FAM178B: variants seen among roughly 807,000 people sequenced by gnomAD.
FAM178B encodes protein FAM178B.
Under a neutral mutation model 91.7 loss-of-function variants are expected in FAM178B, and 82 were observed. That is an observed-to-expected ratio of 0.89 (90% CI 0.75 to 1.07). The LOEUF (loss-of-function observed/expected upper bound fraction) is 1.07, where lower values mean the gene tolerates loss of function less well. FAM178B is among the 50% of genes least tolerant of loss of function. The probability of loss-of-function intolerance (pLI) is 0.00; values close to 1 mark genes in which losing one functional copy is unlikely to be tolerated. For missense variants in FAM178B, 769 were observed against 846.7 expected, an observed-to-expected ratio of 0.91 and a Z score of 1.14; for synonymous variants, 368 against 359.4, an observed-to-expected ratio of 1.02 and a Z score of -0.27.
At chr2:96,951,514 G>A (rs1206012819) in intron 6 of FAM178B, 30 bp from the exon 7 acceptor site, 4 of 1,515,162 alleles carry the variant, frequency 2.6e-6, no homozygotes, top group South Asian at 1.2e-5. Context: ...GGTTAGGGGA[G>A]GCCTCTGTGC....
At chr2:96,949,359 C>A (rs1182133624) in intron 7 of FAM178B, among the ~76,000 whole-genome samples, 1 of 152,210 alleles carries the variant, frequency 6.6e-6, no homozygotes, top group Non-Finnish European at 1.5e-5. Flanking sequence ...TTGCCTTTGA[C>A]TGGACAAGGG....
At chr2:96,903,993 G>A (rs756977055) in intron 12 of FAM178B, among the ~76,000 whole-genome samples, 1 of 151,808 alleles carries the variant, frequency 6.6e-6, no homozygotes, top group Non-Finnish European at 1.5e-5. Flanking sequence ...GAGCCAACAC[G>A]AGCTGGGGCC....
chr2:96,891,141 T>C lies in FAM178B; in HGVS notation c.1776+2785A>G, dbSNP rs574393377. On this transcript the variant is annotated intron_variant, in intron 14 of 16. Coordinates refer to ENST00000490605, the MANE Select transcript of FAM178B (RefSeq NM_001122646.3). ...CCAGTGCAGGCATCTATGTTGCCCCTGATTCACTCCAGTTCCTGACCCCCA... is the reference window on the plus strand; with the variant it reads ...CCAGTGCAGGCATCTATGTTGCCCCCGATTCACTCCAGTTCCTGACCCCCA... Among the ~76,000 whole-genome samples the C allele has an allele frequency of 7.9e-5, 12 of 152,364 alleles. No individual in the cohort carries two copies. In the East Asian group the frequency reaches 1.9e-3, roughly 24 times the overall value.
rs569005354 is a variant in FAM178B at position 96,950,185 on chromosome 2, T to C, written c.993+1194A>G. ...GCCCCTCTGTGGGTGCCGTCTCAGATGGGTCCTTTGTGCCTCCCAATGCTC... is the reference window on the plus strand; with the variant it reads ...GCCCCTCTGTGGGTGCCGTCTCAGACGGGTCCTTTGTGCCTCCCAATGCTC... On this transcript the variant is annotated intron_variant, in intron 7 of 16. Transcript: ENST00000490605. The C allele has an allele frequency of 3.9e-4, 383 of 985,392 alleles. 2 individuals carry two copies. Among genetic ancestry groups the C allele is most frequent in the Middle Eastern group, 1.6e-3 (3 of 1,914 alleles). The allele number at this position is 985,392 out of a possible 1,614,324, so 61.0% of individuals were successfully genotyped here. A position where few individuals can be genotyped will look rare whatever the true frequency, so the allele number is the denominator to read the frequency against.
chr2:96,909,342 C>T (rs954834555), intron 12 of FAM178B, among the ~76,000 whole-genome samples: 4 of 152,118 alleles, frequency 2.6e-5, no homozygotes, highest in African/African-American at 9.7e-5. Flanking sequence ...CCATATTTTG[C>T]CAAAACCTGC....
At chr2:96,890,293 T>G (rs959868155) in intron 14 of FAM178B, among the ~76,000 whole-genome samples, 4 of 150,856 alleles carry the variant, frequency 2.7e-5, no homozygotes, top group Admixed American at 2.0e-4. Context: ...AATCAATCAA[T>G]CAAGCAATAT....
At chr2:96,969,944 G>A (rs566340052) in intron 4 of FAM178B, among the ~76,000 whole-genome samples, 1 of 152,206 alleles carries the variant, frequency 6.6e-6, no homozygotes, top group Non-Finnish European at 1.5e-5. Flanking sequence ...AGAGCTGGGT[G>A]TTCCAGGGTG....
chr2:96,960,532 CA>C, intron 5 of FAM178B, 92 bp from the exon 6 acceptor site: 2 of 1,394,926 alleles, frequency 1.4e-6, no homozygotes, highest in Non-Finnish European at 9.6e-7. Context: ...AGAGGGGGGC[CA>C]CGGGCTCCCT....
chr2:96,951,045 G>GT (rs2081917929), intron 7 of FAM178B, among the ~76,000 whole-genome samples: 1 of 152,144 alleles, frequency 6.6e-6, no homozygotes, highest in Admixed American at 6.5e-5. Context: ...AGGTTAGACC[G>GT]TAAGTCCACT....
intron 8 of FAM178B, among the ~76,000 whole-genome samples, chr2:96,929,971 T>C (rs1377648509): frequency 3.3e-5 from 5 of 152,106 alleles, no homozygotes; most frequent in African/African-American, 1.2e-4. Flanking sequence ...CCTAGCACTT[T>C]TCAGAGACTG....
intron 8 of FAM178B, among the ~76,000 whole-genome samples, chr2:96,942,993 G>A (rs2081759569): frequency 6.6e-6 from 1 of 152,070 alleles, no homozygotes; most frequent in Non-Finnish European, 1.5e-5. Flanking sequence ...ATACAAAAAT[G>A]AACTCAAAAT....
chr2:96,953,033 GTC>G (rs2081951581), intron 6 of FAM178B, among the ~76,000 whole-genome samples: 1 of 152,334 alleles, frequency 6.6e-6, no homozygotes, highest in Non-Finnish European at 1.5e-5. Context: ...CCAAGCTGCT[GTC>G]TCTCTGAGAA....
intron 8 of FAM178B, among the ~76,000 whole-genome samples, chr2:96,932,034 C>T (rs1559081188): frequency 6.6e-6 from 1 of 152,172 alleles, no homozygotes. Context: ...TGTGCATGCA[C>T]CTGTGGGCGG....
At chr2:96,934,672 G>A (rs1025421578) in intron 8 of FAM178B, among the ~76,000 whole-genome samples, 2 of 152,226 alleles carry the variant, frequency 1.3e-5, no homozygotes, top group Non-Finnish European at 2.9e-5. Context: ...AGAAAACCGT[G>A]TGTCTAGGGA....
At chr2:96,906,194 C>T (rs1357263766) in intron 12 of FAM178B, among the ~76,000 whole-genome samples, 1 of 145,354 alleles carries the variant, frequency 6.9e-6, no homozygotes, top group Admixed American at 6.9e-5. Flanking sequence ...AATACTTTTT[C>T]TTTTTCTTTC....
intron 14 of FAM178B, among the ~76,000 whole-genome samples, chr2:96,879,748 G>A (rs914919884): frequency 1.3e-5 from 2 of 152,218 alleles, no homozygotes; most frequent in Admixed American, 1.3e-4. Flanking sequence ...GGGAAACCGA[G>A]GCGTGCCTCC....
At chr2:96,973,289 T>C (rs2082248665) in intron 1 of FAM178B, among the ~76,000 whole-genome samples, 1 of 152,156 alleles carries the variant, frequency 6.6e-6, no homozygotes, top group South Asian at 2.1e-4. Flanking sequence ...CCCACCCATC[T>C]TACTTACTTG....
intron 1 of FAM178B, among the ~76,000 whole-genome samples, chr2:96,985,891 T>C (rs775479227): frequency 6.6e-6 from 1 of 152,198 alleles, no homozygotes; most frequent in Non-Finnish European, 1.5e-5. Context: ...GGGCTGGGAA[T>C]AGAAAGCCTT....
chr2:96,904,482 C>T (rs1022680990), intron 12 of FAM178B, among the ~76,000 whole-genome samples: 2 of 152,058 alleles, frequency 1.3e-5, no homozygotes, highest in African/African-American at 4.8e-5. Flanking sequence ...AGCATTTCTC[C>T]TACCTCAGTC....
Sources: allele counts gnomAD v4.1 joint callset (sites outside exome capture counted in the v4.1 genomes callset), GRCh38; gene constraint gnomAD v4.1.1; transcripts MANE v1.5; gene names NCBI Gene and HGNC (gene_info 2026-07-23, HGNC 2026-07-21).